SLC10A7: variants seen among roughly 807,000 people sequenced by gnomAD.
The protein encoded by SLC10A7 is sodium/bile acid cotransporter 7.
In SLC10A7, 29 loss-of-function variants were observed where a neutral mutation model predicts 43.2. The ratio of observed to expected loss-of-function variants is 0.67; its 90% CI spans 0.50 to 0.92. SLC10A7 has a LOEUF of 0.92. Ranked by LOEUF, SLC10A7 falls within the 40% of genes least tolerant of loss-of-function variation. SLC10A7 has a pLI of 0.00. For missense variants in SLC10A7, 295 were observed against 403.2 expected, an observed-to-expected ratio of 0.73 and a Z score of 2.30; for synonymous variants, 152 against 144.8, an observed-to-expected ratio of 1.05 and a Z score of -0.35.
intron 10 of SLC10A7, among the ~76,000 whole-genome samples, chr4:146,279,787 T>C (rs1171801457): frequency 1.3e-5 from 2 of 152,180 alleles, no homozygotes; most frequent in Admixed American, 6.6e-5. Context: ...TAGCTCAATG[T>C]CATTTTCAAT....
intron 5 of SLC10A7, among the ~76,000 whole-genome samples, chr4:146,350,311 G>A (rs1257496888): frequency 6.6e-6 from 1 of 151,686 alleles, no homozygotes; most frequent in Non-Finnish European, 1.5e-5. Context: ...CCCGAATATT[G>A]CGCTTTTCAG....
Position 146,293,553 on chromosome 4 carries a change from A to G in SLC10A7, c.721+377T>C, listed in dbSNP as rs939260805. On this transcript the variant is annotated intron_variant, in intron 8 of 11. Coordinates refer to ENST00000335472, the MANE Select transcript of SLC10A7 (RefSeq NM_001029998.6). The stretch of plus-strand genomic sequence containing the variant: ...AGTTATTATACTTAGAAATAATAGT[A>G]TCATATATTATACATCCTGTTTTTA... Among the ~76,000 whole-genome samples, 5 of 152,324 alleles carry G rather than the reference A, an allele frequency of 3.3e-5. No individual in the cohort carries two copies. In the East Asian group the frequency reaches 9.6e-4, roughly 29 times the overall value.
At chr4:146,328,895 A>T (rs568672486) in intron 5 of SLC10A7, among the ~76,000 whole-genome samples, 227 of 152,376 alleles carry the variant, frequency 1.5e-3, no homozygotes, top group Non-Finnish European at 2.6e-3. Context: ...AGGACAAAAA[A>T]TATGAAAAAG....
chr4:146,467,697 G>C (rs1177591579), intron 4 of SLC10A7, among the ~76,000 whole-genome samples: 1 of 151,254 alleles, frequency 6.6e-6, no homozygotes. Context: ...CAAGTAGCTG[G>C]GAGTACAGGC....
chr4:146,256,819 T>A, intron 11 of SLC10A7: 2 of 1,527,024 alleles, frequency 1.3e-6, no homozygotes, highest in Non-Finnish European at 1.8e-6. Context: ...GAGGCACTCA[T>A]GGATACCTGG....
intron 4 of SLC10A7, among the ~76,000 whole-genome samples, chr4:146,468,978 G>T (rs1190323228): frequency 6.6e-6 from 1 of 152,070 alleles, no homozygotes; most frequent in African/African-American, 2.4e-5. Context: ...TATGAAGAAG[G>T]TCTTCACAGT....
At chr4:146,424,087 T>G (rs915982297) in intron 5 of SLC10A7, among the ~76,000 whole-genome samples, 1 of 152,220 alleles carries the variant, frequency 6.6e-6, no homozygotes. Context: ...GATCTCCCTC[T>G]GTTGTCCAGG....
chr4:146,445,510 C>T (rs190821986), intron 4 of SLC10A7, among the ~76,000 whole-genome samples: 79 of 152,292 alleles, frequency 5.2e-4, no homozygotes, highest in African/African-American at 1.5e-3. Context: ...CTGTGACCCT[C>T]GAAGCCCAAG....
intron 5 of SLC10A7, chr4:146,442,554 A>G: frequency 7.3e-7 from 1 of 1,363,874 alleles, no homozygotes; most frequent in Non-Finnish European, 9.4e-7. Flanking sequence ...GATTCCTTGA[A>G]TTCATTAAAT....
chr4:146,263,647 G>A (rs1022616669), intron 10 of SLC10A7, among the ~76,000 whole-genome samples: 1 of 152,118 alleles, frequency 6.6e-6, no homozygotes. Flanking sequence ...GTGTCACCAT[G>A]GTTGACAGGA....
At chr4:146,321,023 C>G (rs1732671467) in intron 6 of SLC10A7, among the ~76,000 whole-genome samples, 1 of 152,016 alleles carries the variant, frequency 6.6e-6, no homozygotes, top group Admixed American at 6.6e-5. Context: ...ATTCCACCAG[C>G]AAAAATGGCC....
At chr4:146,406,753 C>T (rs750478158) in intron 5 of SLC10A7, among the ~76,000 whole-genome samples, 12 of 152,092 alleles carry the variant, frequency 7.9e-5, no homozygotes, top group East Asian at 3.9e-4. Context: ...GAGGCAGAGG[C>T]GGGAGGATCA....
intron 1 of SLC10A7, 71 bp downstream of exon 1, chr4:146,521,547 A>C (rs772574860): frequency 6.7e-6 from 9 of 1,339,158 alleles, no homozygotes; most frequent in Admixed American, 3.8e-5. Flanking sequence ...GGGTTGCCCC[A>C]CCTTTCCAAG....
At chr4:146,453,688 G>A (rs983775713) in intron 4 of SLC10A7, among the ~76,000 whole-genome samples, 2 of 151,604 alleles carry the variant, frequency 1.3e-5, no homozygotes, top group Non-Finnish European at 2.9e-5. Context: ...AAGCACATGG[G>A]GACTCTTAAA....
chr4:146,355,895 G>C (rs1373091449), intron 5 of SLC10A7, among the ~76,000 whole-genome samples: 13 of 111,284 alleles, frequency 1.2e-4, no homozygotes, highest in African/African-American at 3.4e-4. Flanking sequence ...GTGGTGGGGT[G>C]GGGGGAGGGG....
intron 5 of SLC10A7, among the ~76,000 whole-genome samples, chr4:146,347,805 A>C (rs1447377001): frequency 6.6e-6 from 1 of 152,212 alleles, no homozygotes; most frequent in African/African-American, 2.4e-5. Flanking sequence ...TGGGCCTGTC[A>C]GGGATTTCTT....
At chr4:146,503,810 C>G in intron 4 of SLC10A7, 39 bp downstream of exon 4, 1 of 1,563,802 alleles carries the variant, frequency 6.4e-7, no homozygotes, top group East Asian at 2.2e-5. Context: ...AAAAGCACAG[C>G]ATGCACTTAT....
chr4:146,307,755 T>A (rs1238869022), intron 6 of SLC10A7, among the ~76,000 whole-genome samples: 2 of 152,116 alleles, frequency 1.3e-5, no homozygotes, highest in Non-Finnish European at 2.9e-5. Flanking sequence ...AAGGTGACAT[T>A]TCCTGCCTGA....
Position 146,322,855 on chromosome 4 carries a change from C to T in SLC10A7, c.471+3106G>A, listed in dbSNP as rs1208192138. On this transcript the variant is annotated intron_variant, in intron 6 of 11. Coordinates refer to ENST00000335472, the MANE Select transcript of SLC10A7 (RefSeq NM_001029998.6). ...TCCCACCAACAGTGTAAAAATGTTC[C>T]TATTTCTCCATATCCTCTCCAGCAC... Among the ~76,000 whole-genome samples the T allele has an allele frequency of 3.3e-5, 5 of 152,260 alleles. No homozygotes were observed. In the South Asian group the frequency reaches 8.3e-4, roughly 25 times the overall value.
Sources: gnomAD v4.1 joint callset for allele counts (sites outside exome capture counted in the v4.1 genomes callset) on GRCh38, gnomAD v4.1.1 for gene constraint, MANE v1.5 for transcripts, NCBI Gene and HGNC (gene_info 2026-07-23, HGNC 2026-07-21) for gene names.